PLCG2: variants seen among roughly 807,000 people sequenced by gnomAD.
The protein encoded by PLCG2 is 1-phosphatidylinositol 4,5-bisphosphate phosphodiesterase gamma-2.
Under a neutral mutation model 175.6 loss-of-function variants are expected in PLCG2, and 69 were observed. The ratio of observed to expected loss-of-function variants is 0.39; its 90% CI spans 0.32 to 0.48. The LOEUF is 0.48. Ranked by LOEUF, PLCG2 falls within the 20% of genes least tolerant of loss-of-function variation. The probability of loss-of-function intolerance (pLI) is 0.91; values close to 1 mark genes in which losing one functional copy is unlikely to be tolerated. For missense variants in PLCG2, 1,798 were observed against 1,650.9 expected (o/e 1.09, Z -1.54); for synonymous variants, 827 against 624.0 (o/e 1.33, Z -4.85).
intron 7 of PLCG2, among the ~76,000 whole-genome samples, chr16:81,879,563 C>G (rs924310612): frequency 2.0e-5 from 3 of 152,156 alleles, no homozygotes; most frequent in African/African-American, 7.2e-5. Context: ...CTGATAGTCC[C>G]CATGACGTCC....
Position 81,919,681 on chromosome 16 carries a change from C to T in PLCG2, c.2235+17C>T, listed in dbSNP as rs200958920. 5 of 1,600,448 alleles carry T rather than the reference C, an allele frequency of 3.1e-6. No individual in the cohort carries two copies. Among genetic ancestry groups the T allele is most frequent in the Non-Finnish European group, 4.3e-6 (5 of 1,169,524 alleles). ...TACAATATGGTAGGTGGTGGACTCC[C>T]TTGTGATTTGGTGGGATTTCTTGTC... On this transcript the variant is annotated intron_variant, in intron 20 of 32. Coordinates refer to ENST00000564138, the MANE Select transcript of PLCG2 (RefSeq NM_002661.5).
chr16:81,807,857 G>C (rs572278657), intron 2 of PLCG2, among the ~76,000 whole-genome samples: 22 of 152,204 alleles, frequency 1.4e-4, no homozygotes, highest in Non-Finnish European at 3.1e-4. Flanking sequence ...GAGGGAGGGA[G>C]GTGCCACATA....
chr16:81,929,415 C>T (rs115733960), intron 24 of PLCG2, among the ~76,000 whole-genome samples: 1,736 of 152,232 alleles, frequency 0.011, 26 homozygotes, highest in African/African-American at 0.04. Context: ...TTTCTTTTCG[C>T]GATAGAGTCT....
At position 81,954,676 on chromosome 16, in the gene PLCG2, T is replaced by C. The variant is rs557265386; in HGVS notation, c.3571-2019T>C. Among the ~76,000 whole-genome samples the C allele has an allele frequency of 4.6e-5, 7 of 152,376 alleles. No individual in the cohort carries two copies. The East Asian group carries it at 1.3e-3, about 29-fold the overall frequency. On this transcript the variant is annotated intron_variant, in intron 31 of 32. Coordinates refer to ENST00000564138, the MANE Select transcript of PLCG2 (RefSeq NM_002661.5). ...CCTGCAAAGGACATTACTTCATTCA[T>C]TTTTGTGGCTGCATAGTATTCCATG... is the stretch of plus-strand genomic sequence containing the variant.
At chr16:81,782,711 T>G (rs1910792952) in intron 1 of PLCG2, among the ~76,000 whole-genome samples, 1 of 152,244 alleles carries the variant, frequency 6.6e-6, no homozygotes. Context: ...CAGTGCTCTG[T>G]GCATGTTAAG....
At chr16:81,907,471 G>C (rs527841064) in intron 15 of PLCG2, among the ~76,000 whole-genome samples, 2 of 152,286 alleles carry the variant, frequency 1.3e-5, no homozygotes, top group Non-Finnish European at 2.9e-5. Flanking sequence ...CCAAAAAGAA[G>C]CTCAAATACC....
At chr16:81,922,711 C>G (rs1853481279) in intron 21 of PLCG2, among the ~76,000 whole-genome samples, 1 of 152,174 alleles carries the variant, frequency 6.6e-6, no homozygotes, top group Non-Finnish European at 1.5e-5. Flanking sequence ...GTTCCCATTT[C>G]CTTTGGGTGG....
chr16:81,824,052 TCCTGTCCTGTCCTGTCCTG>T (rs1567483165), intron 2 of PLCG2, among the ~76,000 whole-genome samples: 3,854 of 70,510 alleles, frequency 0.055, 163 homozygotes, highest in East Asian at 0.078. Context: ...TCCTTTCCTG[TCCTGTCCTGTCCTGTCCTG>T]TCCTGTCCTG....
chr16:81,931,470 G>T, intron 24 of PLCG2, 27 bp from the exon 25 acceptor site: 2 of 1,610,400 alleles, frequency 1.2e-6, no homozygotes, highest in Non-Finnish European at 1.7e-6. Context: ...AGGCTGATTG[G>T]GACATTTCTT....
intron 2 of PLCG2, among the ~76,000 whole-genome samples, chr16:81,832,139 G>A (rs1905286406): frequency 1.3e-5 from 2 of 152,098 alleles, no homozygotes; most frequent in Admixed American, 1.3e-4. Flanking sequence ...CGATTCTGTG[G>A]CACTCAAATG....
At position 81,959,917 on chromosome 16, in the gene PLCG2, G is replaced by A. The variant is rs1000740058; in HGVS notation, c.*1919G>A. The A allele has an allele frequency of 1.0e-5, 2 of 196,776 alleles. No individual in the cohort carries two copies. The highest frequency in any genetic ancestry group is 4.6e-5 in the African/African-American group (2 of 43,246). 12.2% of individuals were successfully genotyped at this position (196,776 alleles called of 1,614,324 possible). On this transcript the variant is annotated 3_prime_UTR_variant, in exon 33 of 33. Transcript: ENST00000564138. ...TTCTACTTTAAAGCCACAGTGCTAA[G>A]GCCTGCATCCCCTTTCTGCCCAAAT... is the stretch of plus-strand genomic sequence containing the variant.
At chr16:81,892,144 G>A (rs952774190) in intron 11 of PLCG2, among the ~76,000 whole-genome samples, 1 of 152,218 alleles carries the variant, frequency 6.6e-6, no homozygotes, top group Non-Finnish European at 1.5e-5. Flanking sequence ...AAGGCCCTGG[G>A]GCAGGAACAA....
At chr16:81,903,062 A>G (rs1042921784) in intron 14 of PLCG2, among the ~76,000 whole-genome samples, 4 of 152,196 alleles carry the variant, frequency 2.6e-5, no homozygotes, top group African/African-American at 4.8e-5. Context: ...CAGCCAAACC[A>G]TATTACCTTC....
At chr16:81,882,131 C>T (rs1053188183) in intron 8 of PLCG2, among the ~76,000 whole-genome samples, 6 of 152,176 alleles carry the variant, frequency 3.9e-5, no homozygotes, top group Admixed American at 3.9e-4. Context: ...CCTCTTTTCC[C>T]CAGGCTCCTG....
intron 2 of PLCG2, among the ~76,000 whole-genome samples, chr16:81,765,982 A>G (rs1910141535): frequency 1.3e-5 from 2 of 152,212 alleles, no homozygotes; most frequent in Admixed American, 6.5e-5. Context: ...GTCACAAGAC[A>G]CTGATGTGTG....
chr16:81,941,563 AT>A (rs35288622), intron 30 of PLCG2, among the ~76,000 whole-genome samples: 23,356 of 144,264 alleles, frequency 0.16, 2,476 homozygotes, highest in African/African-American at 0.33. Flanking sequence ...AAAGTTTCTG[AT>A]TTTTTTTTTT....
chr16:81,954,252 G>A (rs974226032), intron 31 of PLCG2, among the ~76,000 whole-genome samples: 3 of 152,082 alleles, frequency 2.0e-5, no homozygotes, highest in African/African-American at 7.2e-5. Context: ...TGAACTCCTG[G>A]TCAAGCAATC....
Position 81,934,548 on chromosome 16 carries a change from G to A in PLCG2, c.2842+17G>A, listed in dbSNP as rs1910630121. ...ACAACTTAGGTAACATCTTTCCCAA[G>A]AACATGCCCTATAACTCCAATGAAA... On this transcript the variant is annotated intron_variant, in intron 26 of 32. Transcript: ENST00000564138. The A allele has an allele frequency of 1.4e-6, 2 of 1,430,152 alleles. No homozygotes were observed. The highest frequency in any genetic ancestry group is 2.0e-6 in the Non-Finnish European group (2 of 1,012,528). The allele number at this position is 1,430,152 out of a possible 1,614,324, so 88.6% of individuals were successfully genotyped here.
intron 2 of PLCG2, among the ~76,000 whole-genome samples, chr16:81,830,492 A>T (rs1905215870): frequency 6.6e-6 from 1 of 151,920 alleles, no homozygotes; most frequent in African/African-American, 2.4e-5. Context: ...TTTTTATTAG[A>T]GACAGGATTT....
Sources: allele counts gnomAD v4.1 joint callset (sites outside exome capture counted in the v4.1 genomes callset), GRCh38; gene constraint gnomAD v4.1.1; transcripts MANE v1.5; gene names NCBI Gene and HGNC (gene_info 2026-07-23, HGNC 2026-07-21).